The following PLEKHA7 variants were observed in gnomAD, a reference collection of about 807,000 sequenced individuals.
The protein encoded by PLEKHA7 is pleckstrin homology domain-containing family A member 7.
A neutral mutation model predicts 170.0 loss-of-function variants in PLEKHA7; 104 were observed. The ratio of observed to expected loss-of-function variants is 0.61; its 90% CI spans 0.52 to 0.72. The LOEUF (loss-of-function observed/expected upper bound fraction) is 0.72, where lower values mean the gene tolerates loss of function less well. Among genes scored for constraint, PLEKHA7 ranks in the 30% least tolerant of loss-of-function variants. The pLI, the probability that PLEKHA7 is intolerant of heterozygous loss-of-function variation, is 0.00. For synonymous variants in PLEKHA7, 648 were observed against 660.8 expected (o/e 0.98, Z 0.30); for missense variants, 1,615 against 1,671.7 (o/e 0.97, Z 0.59).
chr11:16,953,810 G>A (rs935858858), intron 3 of PLEKHA7, among the ~76,000 whole-genome samples: 1 of 152,172 alleles, frequency 6.6e-6, no homozygotes, highest in African/African-American at 2.4e-5. Flanking sequence ...ATTCTTCACT[G>A]TGCAGGAAAA....
At chr11:16,962,892 G>C (rs1164783858) in intron 3 of PLEKHA7, among the ~76,000 whole-genome samples, 4 of 152,300 alleles carry the variant, frequency 2.6e-5, no homozygotes, top group African/African-American at 9.6e-5. Flanking sequence ...CAAGATATGG[G>C]GCCTGGCTAC....
At chr11:16,950,615 A>T (rs1861347255) in intron 3 of PLEKHA7, among the ~76,000 whole-genome samples, 1 of 151,836 alleles carries the variant, frequency 6.6e-6, no homozygotes, top group Non-Finnish European at 1.5e-5. Context: ...ATCCAGCCTG[A>T]TCTGCTCGCC....
intron 3 of PLEKHA7, among the ~76,000 whole-genome samples, chr11:16,873,939 T>G (rs1447652099): frequency 2.0e-5 from 3 of 152,170 alleles, no homozygotes; most frequent in Admixed American, 6.5e-5. Context: ...AGTGCTGGGA[T>G]TACAGGCATG....
At chr11:16,834,249 G>A (rs1349519091) in intron 9 of PLEKHA7, among the ~76,000 whole-genome samples, 2 of 151,394 alleles carry the variant, frequency 1.3e-5, no homozygotes, top group Non-Finnish European at 2.9e-5. Flanking sequence ...CAGGTGATCC[G>A]CCTGCCTAGG....
chr11:16,961,156 G>T (rs1027340818), intron 3 of PLEKHA7, among the ~76,000 whole-genome samples: 1 of 152,092 alleles, frequency 6.6e-6, no homozygotes, highest in Admixed American at 6.6e-5. Flanking sequence ...TAGAAAAATC[G>T]GGTCATTCAG....
intron 3 of PLEKHA7, among the ~76,000 whole-genome samples, chr11:16,980,417 G>T (rs916891356): frequency 1.3e-5 from 2 of 152,188 alleles, no homozygotes; most frequent in African/African-American, 4.8e-5. Context: ...TGCCCCATGG[G>T]GGAGAATGGT....
At chr11:16,952,232 C>A (rs533711799) in intron 3 of PLEKHA7, among the ~76,000 whole-genome samples, 1 of 152,280 alleles carries the variant, frequency 6.6e-6, no homozygotes, top group East Asian at 1.9e-4. Context: ...GTAGAAGGAC[C>A]ATGCAGGACT....
At chr11:16,826,057 G>A in intron 10 of PLEKHA7, 63 bp downstream of exon 10, 1 of 1,503,914 alleles carries the variant, frequency 6.6e-7, no homozygotes. Flanking sequence ...CTGGCTAAAT[G>A]ACAGCTCTTG....
Position 16,871,187 on chromosome 11 carries a change from AGAGAAAGAGAGAAGATG to A in PLEKHA7, c.222-22_222-6del. The A allele has an allele frequency of 6.3e-7, 1 of 1,593,974 alleles. No individual in the cohort carries two copies. The highest frequency in any genetic ancestry group is 8.6e-7 in the Non-Finnish European group (1 of 1,161,962). ...GCTGTGGTCTGCTGGTTATGGCTAA[AGAGAAAGAGAGAAGATG>A]GATGAGAATTCGTGTGAATGGAAGG... On this transcript the variant is annotated splice_region_variant and splice_polypyrimidine_tract_variant and intron_variant, in intron 3 of 26. Transcript: ENST00000531066.
At chr11:17,001,562 C>T (rs190926942) in intron 3 of PLEKHA7, among the ~76,000 whole-genome samples, 61 of 152,326 alleles carry the variant, frequency 4.0e-4, no homozygotes, top group Middle Eastern at 3.4e-3. Context: ...AGCCAGTGGC[C>T]TTGGTACAGG....
intron 17 of PLEKHA7, among the ~76,000 whole-genome samples, chr11:16,796,554 C>G (rs777564417): frequency 6.6e-6 from 1 of 152,180 alleles, no homozygotes; most frequent in Non-Finnish European, 1.5e-5. Context: ...AGGATTTCTA[C>G]TGGGGGATGA....
intron 3 of PLEKHA7, among the ~76,000 whole-genome samples, chr11:16,970,686 A>T (rs1353388919): frequency 6.6e-6 from 1 of 152,050 alleles, no homozygotes; most frequent in African/African-American, 2.4e-5. Context: ...CAAAAACAAA[A>T]ACAAAAACTA....
intron 3 of PLEKHA7, among the ~76,000 whole-genome samples, chr11:16,885,052 G>A (rs1460438249): frequency 6.6e-6 from 1 of 152,188 alleles, no homozygotes; most frequent in Admixed American, 6.5e-5. Context: ...AAGAAATAAA[G>A]ATTTCTTGCT....
intron 23 of PLEKHA7, 128 bp downstream of exon 23, chr11:16,788,968 G>T: frequency 8.3e-7 from 1 of 1,207,440 alleles, no homozygotes; most frequent in Non-Finnish European, 1.1e-6. Context: ...CCCGTGGGGT[G>T]TTCTCTGAAC....
At chr11:16,833,679 A>G (rs1002671384) in intron 9 of PLEKHA7, among the ~76,000 whole-genome samples, 2 of 152,194 alleles carry the variant, frequency 1.3e-5, no homozygotes, top group Admixed American at 1.3e-4. Context: ...ACAATTCTGC[A>G]AGGTCAGGAC....
intron 4 of PLEKHA7, among the ~76,000 whole-genome samples, chr11:16,866,249 G>C (rs1002761459): frequency 2.0e-5 from 3 of 152,146 alleles, no homozygotes; most frequent in African/African-American, 7.2e-5. Flanking sequence ...GAAAGAGCCA[G>C]TGCCCAATTT....
chr11:16,810,068 A>G (rs1849259361), intron 13 of PLEKHA7, among the ~76,000 whole-genome samples: 1 of 152,218 alleles, frequency 6.6e-6, no homozygotes, highest in South Asian at 2.1e-4. Flanking sequence ...GTTCCACAGG[A>G]AAGAAGAAGT....
intron 4 of PLEKHA7, among the ~76,000 whole-genome samples, chr11:16,857,742 G>A (rs1324314184): frequency 2.0e-5 from 3 of 148,760 alleles, no homozygotes; most frequent in African/African-American, 7.4e-5. Context: ...GTTTTGAGAT[G>A]GAGTTTCGCT....
chr11:16,896,340 A>AG (rs1856990695), intron 3 of PLEKHA7, among the ~76,000 whole-genome samples: 1 of 152,154 alleles, frequency 6.6e-6, no homozygotes, highest in Admixed American at 6.5e-5. Flanking sequence ...CAACTTGGGG[A>AG]GGGGGCGTCT....
Sources: allele counts gnomAD v4.1 joint callset (sites outside exome capture counted in the v4.1 genomes callset), GRCh38; gene constraint gnomAD v4.1.1; transcripts MANE v1.5; gene names NCBI Gene and HGNC (gene_info 2026-07-23, HGNC 2026-07-21).